The following GLI2 variants were observed in gnomAD, a reference collection of about 807,000 sequenced individuals.
The protein encoded by GLI2 is GLI family zinc finger 2, also known as transcription activator GLI2.
Under a neutral mutation model 78.9 loss-of-function variants are expected in GLI2, and 22 were observed. The ratio of observed to expected loss-of-function variants is 0.28; its 90% confidence interval spans 0.20 to 0.40. The LOEUF is 0.40. Ranked by LOEUF, GLI2 falls within the 10% of genes least tolerant of loss-of-function variation. GLI2 has a pLI of 1.00. For missense variants in GLI2, 2,097 were observed against 2,213.2 expected (o/e 0.95, Z 1.05); for synonymous variants, 974 against 963.7 (o/e 1.01, Z -0.20).
intron 1 of GLI2, among the ~76,000 whole-genome samples, chr2:120,746,708 A>G (rs945319128): frequency 1.1e-4 from 16 of 152,214 alleles, no homozygotes; most frequent in African/African-American, 3.6e-4. Flanking sequence ...TTTGCCCCCC[A>G]AGATCTTAAA....
intron 1 of GLI2, among the ~76,000 whole-genome samples, chr2:120,762,221 A>G (rs1204914569): frequency 1.3e-5 from 2 of 151,816 alleles, no homozygotes; most frequent in Non-Finnish European, 2.9e-5. Context: ...GCTCTGGGGG[A>G]TGGATGGGCC....
chr2:120,855,472 C>T (rs528197369), intron 2 of GLI2, among the ~76,000 whole-genome samples: 1 of 152,332 alleles, frequency 6.6e-6, no homozygotes, highest in East Asian at 1.9e-4. Context: ...CCTGTGTCTC[C>T]AGTACTCAGC....
intron 1 of GLI2, among the ~76,000 whole-genome samples, chr2:120,742,311 A>C (rs1337139730): frequency 6.6e-6 from 1 of 152,194 alleles, no homozygotes; most frequent in African/African-American, 2.4e-5. Flanking sequence ...CCTGATGTTA[A>C]AAGAGCGTCC....
At position 120,770,284 on chromosome 2, in the gene GLI2, C is replaced by T. The variant is rs190972880; in HGVS notation, c.-30-27007C>T. 2.6e-5 allele frequency among the ~76,000 whole-genome samples: 4 copies of T among 152,334 alleles called. No individual in the cohort carries two copies. The East Asian group carries it at 5.8e-4, about 22-fold the overall frequency. On this transcript the variant is annotated intron_variant, in intron 1 of 13. Coordinates refer to ENST00000361492, the MANE Select transcript of GLI2 (RefSeq NM_001374353.1). ...TCCTGTCCAGGCCTTGCCTGGCTGT[C>T]TCTTGCTGGAATGCCTCATCTGCCC... is the stretch of plus-strand genomic sequence containing the variant.
At chr2:120,930,718 C>T (rs1048325201) in intron 3 of GLI2, among the ~76,000 whole-genome samples, 11 of 152,238 alleles carry the variant, frequency 7.2e-5, no homozygotes, top group Admixed American at 6.5e-5. Flanking sequence ...ATGTGTGCCA[C>T]GCCTTGCAGG....
chr2:120,767,631 C>G (rs373544290), intron 1 of GLI2, among the ~76,000 whole-genome samples: 3 of 152,246 alleles, frequency 2.0e-5, no homozygotes, highest in Non-Finnish European at 2.9e-5. Flanking sequence ...ATCTTCCCAC[C>G]GTCTGCCTGT....
chr2:120,850,800 T>A (rs1056763188), intron 2 of GLI2, among the ~76,000 whole-genome samples: 1 of 152,194 alleles, frequency 6.6e-6, no homozygotes, highest in African/African-American at 2.4e-5. Context: ...TTATACACCA[T>A]TCTGTGTGTG....
intron 1 of GLI2, among the ~76,000 whole-genome samples, chr2:120,747,147 G>A (rs1319978422): frequency 1.3e-5 from 2 of 152,230 alleles, no homozygotes; most frequent in Non-Finnish European, 2.9e-5. Context: ...TATTTGGACA[G>A]CTGTTTTTCA....
intron 13 of GLI2, among the ~76,000 whole-genome samples, chr2:120,987,296 TTTG>T: frequency 6.6e-6 from 1 of 152,324 alleles, no homozygotes; most frequent in South Asian, 2.1e-4. Flanking sequence ...GAAGGGAGGA[TTTG>T]TTGTCCCAAC....
At chr2:120,960,802 C>T (rs937939421) in intron 5 of GLI2, among the ~76,000 whole-genome samples, 6 of 152,210 alleles carry the variant, frequency 3.9e-5, no homozygotes, top group African/African-American at 9.6e-5. Flanking sequence ...GCCAGGGTGC[C>T]GGCAGGACAG....
chr2:120,828,743 A>C (rs1411437735), intron 2 of GLI2, among the ~76,000 whole-genome samples: 1 of 152,166 alleles, frequency 6.6e-6, no homozygotes, highest in Non-Finnish European at 1.5e-5. Flanking sequence ...GCTCTCCTCC[A>C]AACAAAACGG....
In GLI2 at chr2:120,736,141, C is replaced by A. The variant is rs935922676; in HGVS notation, c.-175C>A. ...TCTCGGTCCCCTCTCTTGCCTGGCC[C>A]GCCCCGCCCCGGCTGGCTGGAGCCC... On this transcript the variant is annotated 5_prime_UTR_variant, in exon 1 of 14. Transcript: ENST00000361492. The A allele has an allele frequency of 6.6e-6, 1 of 151,696 alleles. No individual in the cohort carries two copies. The highest frequency in any genetic ancestry group is 1.5e-5 in the Non-Finnish European group (1 of 67,954). 9.4% of individuals were successfully genotyped at this position (151,696 alleles called of 1,614,324 possible). A position where few individuals can be genotyped will look rare whatever the true frequency, so the allele number is the denominator to read the frequency against.
intron 1 of GLI2, among the ~76,000 whole-genome samples, chr2:120,788,506 C>T (rs565786732): frequency 2.0e-5 from 3 of 152,314 alleles, no homozygotes; most frequent in South Asian, 2.1e-4. Flanking sequence ...GTAGGTCTTA[C>T]CCACAGCTTC....
At chr2:120,824,154 T>TG (rs1685920789) in intron 2 of GLI2, among the ~76,000 whole-genome samples, 1 of 152,326 alleles carries the variant, frequency 6.6e-6, no homozygotes, top group African/African-American at 2.4e-5. Context: ...AAAGCACCAG[T>TG]GGAACCCAGG....
At chr2:120,826,919 C>A (rs1686092244) in intron 2 of GLI2, among the ~76,000 whole-genome samples, 1 of 152,196 alleles carries the variant, frequency 6.6e-6, no homozygotes. Context: ...GACTTCCCAG[C>A]CTGCCACATC....
intron 9 of GLI2, among the ~76,000 whole-genome samples, chr2:120,977,586 CTG>C (rs1333266195): frequency 1.3e-5 from 2 of 152,162 alleles, no homozygotes; most frequent in Non-Finnish European, 2.9e-5. Flanking sequence ...GGGGAGGAAA[CTG>C]AGAACAGAGG....
chr2:120,911,081 T>A (rs2104812920), intron 2 of GLI2, among the ~76,000 whole-genome samples: 1 of 152,282 alleles, frequency 6.6e-6, no homozygotes, highest in East Asian at 1.9e-4. Context: ...GAACAGGGGA[T>A]GAGTCGGGCA....
chr2:120,775,578 C>T (rs776417791), intron 1 of GLI2, among the ~76,000 whole-genome samples: 5 of 152,112 alleles, frequency 3.3e-5, no homozygotes, highest in African/African-American at 4.8e-5. Flanking sequence ...AGCAGAGCGC[C>T]GAAGGGTTCT....
At chr2:120,792,676 G>A (rs1325689986) in intron 1 of GLI2, among the ~76,000 whole-genome samples, 1 of 152,188 alleles carries the variant, frequency 6.6e-6, no homozygotes, top group Non-Finnish European at 1.5e-5. Context: ...AAGCTGGAGT[G>A]CAGTGGCGCG....
Sources: gnomAD v4.1 joint callset for allele counts (sites outside exome capture counted in the v4.1 genomes callset) on GRCh38, gnomAD v4.1.1 for gene constraint, MANE v1.5 for transcripts, NCBI Gene and HGNC (gene_info 2026-07-23, HGNC 2026-07-21) for gene names.